SGPP2: variants seen among roughly 807,000 people sequenced by gnomAD.
The protein encoded by SGPP2 is sphingosine 1-phosphate phosphohydrolase 2.
Under a neutral mutation model 33.9 loss-of-function variants are expected in SGPP2, and 30 were observed. The ratio of observed to expected loss-of-function variants is 0.89; its 90% CI spans 0.66 to 1.20. The LOEUF is 1.20. Among genes scored for constraint, SGPP2 ranks in the 50% most tolerant of loss-of-function variants. The probability of loss-of-function intolerance (pLI) is 0.00; values close to 1 mark genes in which losing one functional copy is unlikely to be tolerated. For synonymous variants in SGPP2, 233 were observed against 225.0 expected (o/e 1.04, Z -0.32); for missense variants, 458 against 532.1 (o/e 0.86, Z 1.37).
chr2:222,522,442 C>G (rs1429165395), intron 3 of SGPP2, among the ~76,000 whole-genome samples: 1 of 152,198 alleles, frequency 6.6e-6, no homozygotes. Flanking sequence ...AAGGCTCAGC[C>G]ACTAGAAATG....
intron 2 of SGPP2, 40 bp downstream of exon 2, chr2:222,474,766 AAAC>A (rs767559792): frequency 6.6e-7 from 1 of 1,522,262 alleles, no homozygotes; most frequent in Admixed American, 1.8e-5. Context: ...GCTACTTCTA[AAAC>A]AACTACTTCC....
In SGPP2 at chr2:222,560,752, A is replaced by G. The variant is rs1440722208; in HGVS notation, c.*1854A>G. 1 of 152,212 alleles carries G rather than the reference A, an allele frequency of 6.6e-6. No individual in the cohort carries two copies. Among genetic ancestry groups the G allele is most frequent in the Non-Finnish European group, 1.5e-5 (1 of 68,038 alleles). The allele number at this position is 152,212 out of a possible 1,614,324, so 9.4% of individuals were successfully genotyped here. ...AAAATCACATTTTTCTTGATTTCAA[A>G]TATGTTCTACGGCCTTACTGTTGGG... On this transcript the variant is annotated 3_prime_UTR_variant, in exon 5 of 5. Transcript: ENST00000321276.
At position 222,558,672 on chromosome 2, in the gene SGPP2, T is replaced by C. The variant is rs1477388285; in HGVS notation, c.974T>C (p.Leu325Pro). 1.2e-6 allele frequency: 2 copies of C among 1,614,204 alleles called. No individual in the cohort carries two copies. Among genetic ancestry groups the C allele is most frequent in the Non-Finnish European group, 1.7e-6 (2 of 1,180,028 alleles). ...ACCACCTACATGTTAGTTTTGGGTC[T>C]GACCAAATTTGCAGTGGGAATTGTG... The part of the protein sequence containing the change: ...PLTTYMLVLG[L>P]TKFAVGIVLI... Residue 325 changes from leucine (L) to proline (P), a missense_variant, in exon 5 of 5, where the codon CTG (leucine) becomes CCG (proline). By Grantham distance (98) the Leu-to-Pro change is moderately conservative (BLOSUM62 -3). Coordinates refer to ENST00000321276, the MANE Select transcript of SGPP2 (RefSeq NM_152386.4).
At chr2:222,501,971 A>G (rs182502446) in intron 2 of SGPP2, among the ~76,000 whole-genome samples, 237 of 152,358 alleles carry the variant, frequency 1.6e-3, no homozygotes, top group Admixed American at 0.012. Flanking sequence ...ATGGTGAAAC[A>G]CAAGTTTACC....
intron 2 of SGPP2, among the ~76,000 whole-genome samples, chr2:222,503,624 C>T (rs368471236): frequency 2.0e-5 from 3 of 152,170 alleles, no homozygotes; most frequent in East Asian, 3.9e-4. Context: ...TTTCATGTGT[C>T]TCCATGTGTT....
chr2:222,537,341 G>GT (rs1298151492), intron 4 of SGPP2, among the ~76,000 whole-genome samples: 1 of 152,136 alleles, frequency 6.6e-6, no homozygotes, highest in East Asian at 1.9e-4. Flanking sequence ...AACCATAAAT[G>GT]TAATAGGTGA....
chr2:222,504,491 G>C (rs1296426730), intron 2 of SGPP2: 2 of 152,254 alleles, frequency 1.3e-5, no homozygotes, highest in Non-Finnish European at 2.9e-5. Context: ...TGGCGCAGGT[G>C]ATAGGAATAA....
chr2:222,428,154 C>T (rs970453316), intron 1 of SGPP2, among the ~76,000 whole-genome samples: 1 of 152,154 alleles, frequency 6.6e-6, no homozygotes, highest in Non-Finnish European at 1.5e-5. Context: ...TTGGTACTGG[C>T]TGGGACAGGG....
At chr2:222,493,389 C>T (rs899017637) in intron 2 of SGPP2, among the ~76,000 whole-genome samples, 5 of 152,172 alleles carry the variant, frequency 3.3e-5, no homozygotes, top group African/African-American at 9.7e-5. Context: ...CACTCACTAT[C>T]ACGAGAACAG....
At chr2:222,531,831 T>C (rs904899836) in intron 4 of SGPP2, among the ~76,000 whole-genome samples, 1 of 152,116 alleles carries the variant, frequency 6.6e-6, no homozygotes, top group African/African-American at 2.4e-5. Flanking sequence ...GCTAGATATG[T>C]GCATGCCCCT....
chr2:222,497,625 A>G (rs1306478734), intron 2 of SGPP2, among the ~76,000 whole-genome samples: 1 of 152,196 alleles, frequency 6.6e-6, no homozygotes, highest in Non-Finnish European at 1.5e-5. Context: ...TTTAACAAAC[A>G]CTTGGCAAGG....
intron 1 of SGPP2, 29 bp downstream of exon 1, chr2:222,424,850 CG>C: frequency 1.5e-6 from 2 of 1,310,470 alleles, no homozygotes; most frequent in East Asian, 3.2e-5. Context: ...TCGCCGGGTA[CG>C]GGGAGGGGGC....
At chr2:222,432,749 C>T (rs373122350) in intron 1 of SGPP2, among the ~76,000 whole-genome samples, 4 of 152,174 alleles carry the variant, frequency 2.6e-5, no homozygotes, top group South Asian at 2.1e-4. Context: ...AGGCCAGATA[C>T]GGTGGCTCAC....
chr2:222,506,076 A>G (rs534161496), intron 2 of SGPP2, among the ~76,000 whole-genome samples: 23 of 152,356 alleles, frequency 1.5e-4, no homozygotes, highest in Admixed American at 4.6e-4. Context: ...GGCATAAATT[A>G]ATTGTACTGC....
chr2:222,441,283 G>A (rs1027404289), intron 1 of SGPP2, among the ~76,000 whole-genome samples: 3 of 152,120 alleles, frequency 2.0e-5, no homozygotes, highest in Admixed American at 6.5e-5. Flanking sequence ...ATAGATTTAT[G>A]TTCTTCTCCC....
In SGPP2 at chr2:222,477,761, C is replaced by G. The variant is rs926482453; in HGVS notation, c.378+3035C>G. ...CTTTCCCTGAGAGCTGGGAAGACCT[C>G]TAGACTCTATAGAAGGCTGTGGCTA... On this transcript the variant is annotated intron_variant, in intron 2 of 4. Transcript: ENST00000321276. The surrounding 1 kb of genome is among the most constrained non-coding windows in gnomAD (Gnocchi z 6.0). Among the ~76,000 whole-genome samples, 1 of 152,084 alleles carries G rather than the reference C, an allele frequency of 6.6e-6. No homozygotes were observed. The highest frequency in any genetic ancestry group is 2.4e-5 in the African/African-American group (1 of 41,378).
chr2:222,440,696 T>C (rs1697311750), intron 1 of SGPP2, among the ~76,000 whole-genome samples: 1 of 152,148 alleles, frequency 6.6e-6, no homozygotes, highest in Admixed American at 6.5e-5. Context: ...TACTTTAAAC[T>C]GGTGTTGCAA....
intron 4 of SGPP2, among the ~76,000 whole-genome samples, chr2:222,553,794 T>C (rs914261488): frequency 2.0e-5 from 3 of 152,210 alleles, no homozygotes; most frequent in African/African-American, 7.2e-5. Context: ...TCGTTAGGGC[T>C]CAGACTTGAG....
At chr2:222,506,437 C>G (rs1698446456) in intron 2 of SGPP2, among the ~76,000 whole-genome samples, 1 of 152,150 alleles carries the variant, frequency 6.6e-6, no homozygotes, top group African/African-American at 2.4e-5. Flanking sequence ...GTGATTGCCG[C>G]CATTTCATAC....
Sources: allele counts gnomAD v4.1 joint callset (sites outside exome capture counted in the v4.1 genomes callset), GRCh38; gene constraint gnomAD v4.1.1; non-coding constraint Gnocchi (gnomAD v3.1); transcripts MANE v1.5; gene names NCBI Gene and HGNC (gene_info 2026-07-23, HGNC 2026-07-21).